Variants in PDE1A observed in about 807,000 individuals in gnomAD.
PDE1A encodes the protein phosphodiesterase 1A.
PDE1A carries 35 observed loss-of-function variants against 61.7 expected under a neutral mutation model. That is an observed-to-expected ratio of 0.57 (90% CI 0.43 to 0.75). The LOEUF is 0.75. PDE1A is among the 30% of genes least tolerant of loss of function. PDE1A has a pLI of 0.00. For missense variants in PDE1A, 597 were observed against 630.6 expected, an observed-to-expected ratio of 0.95 and a Z score of 0.57; for synonymous variants, 232 against 213.2, an observed-to-expected ratio of 1.09 and a Z score of -0.77.
chr2:182,573,909 AT>A, the PDE1A span, among the ~76,000 whole-genome samples: 2 of 145,748 alleles, frequency 1.4e-5, no homozygotes, highest in Admixed American at 1.4e-4. Flanking sequence ...ATATTTATAT[AT>A]TATATATATT....
the PDE1A span, among the ~76,000 whole-genome samples, chr2:182,576,757 C>T: frequency 3.3e-5 from 5 of 152,032 alleles, no homozygotes; most frequent in African/African-American, 9.7e-5. Flanking sequence ...TTATAGTAGC[C>T]ATCCCAATTA....
chr2:182,245,445 C>T (rs546796268), intron 2 of PDE1A, among the ~76,000 whole-genome samples: 2 of 152,154 alleles, frequency 1.3e-5, no homozygotes, highest in Non-Finnish European at 2.9e-5. Flanking sequence ...TCTACCATTA[C>T]AGTATCATAC....
At chr2:182,205,762 C>T (rs936088027) in intron 8 of PDE1A, among the ~76,000 whole-genome samples, 178 bp downstream of exon 8, 1 of 152,154 alleles carries the variant, frequency 6.6e-6, no homozygotes, top group Admixed American at 6.6e-5. Context: ...CCCTTTAACA[C>T]AGTCTGGCTC....
At chr2:182,550,654 A>C in the PDE1A span, among the ~76,000 whole-genome samples, 1 of 152,196 alleles carries the variant, frequency 6.6e-6, no homozygotes, top group Non-Finnish European at 1.5e-5. Flanking sequence ...CCTCACTGTT[A>C]TAACAGACAA....
chr2:182,410,555 T>C (rs1702553743), intron 1 of PDE1A, among the ~76,000 whole-genome samples: 1 of 152,216 alleles, frequency 6.6e-6, no homozygotes, highest in Non-Finnish European at 1.5e-5. Context: ...AGAATTGTAG[T>C]ACAATTAATA....
At chr2:182,420,173 C>T (rs908781958) in intron 1 of PDE1A, among the ~76,000 whole-genome samples, 1 of 151,832 alleles carries the variant, frequency 6.6e-6, no homozygotes. Flanking sequence ...CTAATGGGTC[C>T]AAAAATTAGC....
At chr2:182,357,458 G>A (rs1218445090) in intron 1 of PDE1A, among the ~76,000 whole-genome samples, 1 of 152,028 alleles carries the variant, frequency 6.6e-6, no homozygotes, top group Non-Finnish European at 1.5e-5. Flanking sequence ...AGTATTGCAT[G>A]GATAATCACA....
chr2:182,699,046 G>C, the PDE1A span, among the ~76,000 whole-genome samples: 3 of 152,148 alleles, frequency 2.0e-5, no homozygotes, highest in Non-Finnish European at 4.4e-5. Flanking sequence ...AAGACTTCAC[G>C]TCTATCCCTG....
intron 1 of PDE1A, 143 bp downstream of exon 1, chr2:182,426,435 T>C: frequency 1.7e-6 from 1 of 592,102 alleles, no homozygotes. Context: ...ACAAAAAGGC[T>C]CCCTCAGTAT....
chr2:182,214,819 GAC>G (rs1218800905), intron 7 of PDE1A, among the ~76,000 whole-genome samples: 3 of 103,690 alleles, frequency 2.9e-5, no homozygotes, highest in African/African-American at 1.2e-4. Context: ...AATAATGGGA[GAC>G]TTTAACACCC....
chr2:182,263,626 T>A (rs1311111644), intron 2 of PDE1A, among the ~76,000 whole-genome samples: 1 of 152,160 alleles, frequency 6.6e-6, no homozygotes, highest in Non-Finnish European at 1.5e-5. Context: ...TTTATCCTTT[T>A]TGAGAAGAGA....
chr2:182,716,636 C>G, the PDE1A span, among the ~76,000 whole-genome samples: 1 of 152,206 alleles, frequency 6.6e-6, no homozygotes, highest in Non-Finnish European at 1.5e-5. Flanking sequence ...CCTTCCTCCT[C>G]CCTGTTATTC....
chr2:182,519,889 T>C (rs1158620741), intron 2 of PDE1A, among the ~76,000 whole-genome samples: 1 of 151,924 alleles, frequency 6.6e-6, no homozygotes, highest in Admixed American at 6.6e-5. Flanking sequence ...AAAAACAGTA[T>C]ATTATGCCAA....
chr2:182,695,527 C>T, the PDE1A span, among the ~76,000 whole-genome samples: 6 of 151,686 alleles, frequency 4.0e-5, no homozygotes, highest in Non-Finnish European at 7.4e-5. Flanking sequence ...ATTAGCTGGG[C>T]GCGGTGGCTG....
the PDE1A span, among the ~76,000 whole-genome samples, chr2:182,594,929 T>C: frequency 6.6e-6 from 1 of 152,210 alleles, no homozygotes; most frequent in Non-Finnish European, 1.5e-5. Flanking sequence ...GGAATGGCAG[T>C]ACGGGGCACT....
At chr2:182,636,984 T>C in the PDE1A span, among the ~76,000 whole-genome samples, 1 of 152,240 alleles carries the variant, frequency 6.6e-6, no homozygotes, top group East Asian at 1.9e-4. Flanking sequence ...CAATAAAATA[T>C]CTCTGACTTG....
At chr2:182,664,806 A>G in the PDE1A span, among the ~76,000 whole-genome samples, 1 of 152,238 alleles carries the variant, frequency 6.6e-6, no homozygotes, top group South Asian at 2.1e-4. Flanking sequence ...TGATACCAAG[A>G]AAGTGCTAGC....
At chr2:182,227,722 G>C (rs975062487) in intron 6 of PDE1A, among the ~76,000 whole-genome samples, 2 of 151,892 alleles carry the variant, frequency 1.3e-5, no homozygotes, top group East Asian at 3.9e-4. Context: ...AAAGTGGTGG[G>C]GCATGGTTTT....
At chr2:182,614,140 G>T in the PDE1A span, among the ~76,000 whole-genome samples, 1 of 152,148 alleles carries the variant, frequency 6.6e-6, no homozygotes, top group Non-Finnish European at 1.5e-5. Flanking sequence ...TTTTCCAATG[G>T]CTACCAAGTT....
Sources: gnomAD v4.1 joint callset for allele counts (sites outside exome capture counted in the v4.1 genomes callset) on GRCh38, gnomAD v4.1.1 for gene constraint, MANE v1.5 for transcripts, NCBI Gene and HGNC (gene_info 2026-07-23, HGNC 2026-07-21) for gene names.